Variants in LPAR1 observed in about 807,000 individuals in gnomAD.
LPAR1 encodes the protein LPA receptor 1.
A neutral mutation model predicts 23.8 loss-of-function variants in LPAR1; 5 were observed. The ratio of observed to expected loss-of-function variants is 0.21; its 90% CI spans 0.11 to 0.44. LPAR1 has a LOEUF of 0.44. LPAR1 is among the 20% of genes least tolerant of loss of function. LPAR1 has a pLI of 0.99. For synonymous variants in LPAR1, 160 were observed against 164.7 expected (o/e 0.97, Z 0.22); for missense variants, 311 against 482.8 (o/e 0.64, Z 3.33).
intron 2 of LPAR1, among the ~76,000 whole-genome samples, chr9:110,983,820 A>G (rs914129901): frequency 6.6e-6 from 1 of 152,020 alleles, no homozygotes; most frequent in African/African-American, 2.4e-5. Flanking sequence ...AATGGGCTGG[A>G]CACAGCCATT....
intron 5 of LPAR1, among the ~76,000 whole-genome samples, chr9:110,888,615 T>C (rs1588145856): frequency 6.8e-6 from 1 of 147,426 alleles, no homozygotes; most frequent in African/African-American, 2.5e-5. Context: ...CTAAGATAAA[T>C]GAGAAAGACA....
chr9:110,993,835 C>T (rs2139803810), intron 2 of LPAR1, among the ~76,000 whole-genome samples: 1 of 152,220 alleles, frequency 6.6e-6, no homozygotes, highest in African/African-American at 2.4e-5. Flanking sequence ...GTTAAGACAG[C>T]ACTTAAAAGA....
chr9:111,029,249 C>T (rs187949804), intron 2 of LPAR1, among the ~76,000 whole-genome samples: 72 of 152,320 alleles, frequency 4.7e-4, no homozygotes, highest in African/African-American at 1.7e-3. Context: ...CTCAGCTAAA[C>T]TTCAAACTCA....
intron 2 of LPAR1, among the ~76,000 whole-genome samples, chr9:110,988,922 T>C (rs1038593509): frequency 2.6e-5 from 4 of 152,122 alleles, no homozygotes; most frequent in Admixed American, 6.6e-5. Context: ...TTAAATATGG[T>C]ATTTTTAAAC....
chr9:110,982,297 T>TA (rs1356957092), intron 2 of LPAR1, among the ~76,000 whole-genome samples: 1 of 152,122 alleles, frequency 6.6e-6, no homozygotes, highest in Non-Finnish European at 1.5e-5. Context: ...TATGCAGCCA[T>TA]AAAAATGGAT....
chr9:111,015,378 A>C (rs114810117), intron 2 of LPAR1, among the ~76,000 whole-genome samples: 288 of 152,106 alleles, frequency 1.9e-3, no homozygotes, highest in African/African-American at 6.8e-3. Context: ...TTCCTCCTAA[A>C]TGTCTTTCGT....
chr9:110,969,257 T>C (rs2096328311), intron 4 of LPAR1, among the ~76,000 whole-genome samples: 2 of 152,198 alleles, frequency 1.3e-5, no homozygotes, highest in African/African-American at 4.8e-5. Flanking sequence ...TCATTATCCA[T>C]TTCCATTAAT....
chr9:110,874,617 G>A lies in LPAR1; in HGVS notation c.*804C>T, dbSNP rs1448270376. ...ATGTACTTGGGTATTTTAAATATATGGGAACAATATTATAGTGCTTCATCT... is the reference window on the plus strand; with the variant it reads ...ATGTACTTGGGTATTTTAAATATATAGGAACAATATTATAGTGCTTCATCT... On this transcript the variant is annotated 3_prime_UTR_variant, in exon 6 of 6. Transcript: ENST00000683809. 1 of 152,394 alleles carries A rather than the reference G, an allele frequency of 6.6e-6. No homozygotes were observed. Among genetic ancestry groups the A allele is most frequent in the East Asian group, 1.9e-4 (1 of 5,200 alleles). The allele number at this position is 152,394 out of a possible 1,614,324, so 9.4% of individuals were successfully genotyped here. A position where few individuals can be genotyped will look rare whatever the true frequency, so the allele number is the denominator to read the frequency against.
chr9:111,002,314 C>A (rs1308357292), intron 2 of LPAR1, among the ~76,000 whole-genome samples: 1 of 152,174 alleles, frequency 6.6e-6, no homozygotes, highest in Non-Finnish European at 1.5e-5. Flanking sequence ...GTTCTAATCA[C>A]ATATTCATCT....
intron 4 of LPAR1, among the ~76,000 whole-genome samples, chr9:110,951,921 AG>A (rs1307135400): frequency 1.3e-5 from 2 of 152,192 alleles, no homozygotes; most frequent in African/African-American, 4.8e-5. Context: ...AAATAAACAA[AG>A]TATAGCTTTA....
At chr9:110,894,980 C>T (rs567726895) in intron 5 of LPAR1, among the ~76,000 whole-genome samples, 14 of 152,062 alleles carry the variant, frequency 9.2e-5, no homozygotes, top group African/African-American at 2.7e-4. Flanking sequence ...ATTGCACCAC[C>T]GCACTCCAGC....
intron 4 of LPAR1, among the ~76,000 whole-genome samples, chr9:110,959,958 C>G (rs1382903036): frequency 6.6e-6 from 1 of 151,944 alleles, no homozygotes; most frequent in Non-Finnish European, 1.5e-5. Flanking sequence ...AAATTGATCT[C>G]ATGTATAGTG....
At chr9:111,010,708 T>A (rs2097315788) in intron 2 of LPAR1, among the ~76,000 whole-genome samples, 1 of 152,166 alleles carries the variant, frequency 6.6e-6, no homozygotes, top group African/African-American at 2.4e-5. Flanking sequence ...CTCTAATTTA[T>A]TTAGGAATAA....
chr9:110,978,900 T>C (rs551402969), intron 2 of LPAR1, among the ~76,000 whole-genome samples: 2 of 152,290 alleles, frequency 1.3e-5, no homozygotes, highest in African/African-American at 4.8e-5. Flanking sequence ...AAAGTGGTGG[T>C]TACCAAAGGC....
At chr9:111,035,549 A>G (rs772924056) in intron 2 of LPAR1, among the ~76,000 whole-genome samples, 1 of 152,200 alleles carries the variant, frequency 6.6e-6, no homozygotes, top group Non-Finnish European at 1.5e-5. Context: ...AGAGGGTAAC[A>G]TGATATGTAA....
chr9:110,913,347 A>T (rs2134505936), intron 5 of LPAR1, among the ~76,000 whole-genome samples: 2 of 152,332 alleles, frequency 1.3e-5, no homozygotes, highest in East Asian at 3.9e-4. Flanking sequence ...TCCAACAGGT[A>T]GTATTTACCA....
At chr9:110,970,290 A>G (rs947594619) in intron 4 of LPAR1, among the ~76,000 whole-genome samples, 1 of 152,174 alleles carries the variant, frequency 6.6e-6, no homozygotes, top group Non-Finnish European at 1.5e-5. Context: ...GAGTCATTAC[A>G]TGGGAACAGC....
At chr9:110,917,424 A>G (rs1168561638) in intron 5 of LPAR1, among the ~76,000 whole-genome samples, 1 of 152,202 alleles carries the variant, frequency 6.6e-6, no homozygotes, top group East Asian at 1.9e-4. Flanking sequence ...ACTAAGAAAC[A>G]CTATGCTAAA....
chr9:110,891,019 T>C (rs2083992228), intron 5 of LPAR1, among the ~76,000 whole-genome samples: 1 of 152,124 alleles, frequency 6.6e-6, no homozygotes, highest in South Asian at 2.1e-4. Context: ...TCCACTAATA[T>C]AAGGGATAAG....
Sources: allele counts gnomAD v4.1 joint callset (sites outside exome capture counted in the v4.1 genomes callset), GRCh38; gene constraint gnomAD v4.1.1; transcripts MANE v1.5; gene names NCBI Gene and HGNC (gene_info 2026-07-23, HGNC 2026-07-21).